Variants in XKR4 observed in about 807,000 individuals in gnomAD.
XKR4 encodes XK-related protein 4.
In XKR4, 12 loss-of-function variants were observed where a neutral mutation model predicts 53.9. The ratio of observed to expected loss-of-function variants is 0.22; its 90% CI spans 0.14 to 0.36. XKR4 has a LOEUF of 0.36. Among genes scored for constraint, XKR4 ranks in the 10% least tolerant of loss-of-function variants. The pLI is 1.00. For missense variants in XKR4, 799 were observed against 859.5 expected, an observed-to-expected ratio of 0.93 and a Z score of 0.88; for synonymous variants, 354 against 362.4, an observed-to-expected ratio of 0.98 and a Z score of 0.26.
chr8:55,446,023 T>G (rs1805341363), intron 2 of XKR4, among the ~76,000 whole-genome samples: 1 of 152,232 alleles, frequency 6.6e-6, no homozygotes, highest in Non-Finnish European at 1.5e-5. Context: ...AAGGGCTGAT[T>G]GATGGAGTGA....
rs182267618 is a variant in XKR4 at position 55,473,769 on chromosome 8, C to A, written c.1007-49512C>A. On this transcript the variant is annotated intron_variant, in intron 2 of 2. Transcript: ENST00000327381. ...TTACTTTGGTAAAATTTCACTTAAA[C>A]CCAAAGTTACAACAGATTCTCTTTC... is the stretch of plus-strand genomic sequence containing the variant. Among the ~76,000 whole-genome samples, 596 of 152,120 alleles carry A rather than the reference C, an allele frequency of 3.9e-3. 18 individuals carry two copies. Among genetic ancestry groups the A allele is most frequent in the Admixed American group, 0.034 (515 of 15,274 alleles).
chr8:55,258,623 G>A (rs766774896), intron 1 of XKR4, among the ~76,000 whole-genome samples: 3 of 152,032 alleles, frequency 2.0e-5, no homozygotes, highest in Non-Finnish European at 4.4e-5. Context: ...TCTGGTAATG[G>A]GTCAACACTC....
chr8:55,435,805 C>T (rs1022187706), intron 2 of XKR4, among the ~76,000 whole-genome samples: 2 of 152,054 alleles, frequency 1.3e-5, no homozygotes, highest in Non-Finnish European at 2.9e-5. Flanking sequence ...TGGGCTCAAG[C>T]GATCCTCCTT....
At chr8:55,480,140 C>T (rs1029047635) in intron 2 of XKR4, among the ~76,000 whole-genome samples, 1 of 152,114 alleles carries the variant, frequency 6.6e-6, no homozygotes, top group Admixed American at 6.6e-5. Context: ...AACATTGATG[C>T]AAAAATCCTC....
At chr8:55,182,008 T>C (rs993673983) in intron 1 of XKR4, among the ~76,000 whole-genome samples, 7 of 152,214 alleles carry the variant, frequency 4.6e-5, no homozygotes, top group Non-Finnish European at 8.8e-5. Flanking sequence ...TGACTCTGTG[T>C]TGTTCCCTCC....
chr8:55,381,789 A>T (rs1343327170), intron 2 of XKR4, among the ~76,000 whole-genome samples: 1 of 152,202 alleles, frequency 6.6e-6, no homozygotes, highest in East Asian at 1.9e-4. Context: ...GCCACCTAAG[A>T]TTATGACATC....
At chr8:55,126,524 G>T (rs7835800) in intron 1 of XKR4, among the ~76,000 whole-genome samples, 85,930 of 152,066 alleles carry the variant, frequency 0.57, 24,873 homozygotes, top group South Asian at 0.72. Context: ...TGGAGTGGAT[G>T]CAAAAAATAC....
intron 2 of XKR4, among the ~76,000 whole-genome samples, chr8:55,457,421 C>T (rs548927099): frequency 5.3e-5 from 8 of 152,294 alleles, no homozygotes; most frequent in South Asian, 2.1e-4. Flanking sequence ...GGATTATAGG[C>T]GTGAGCCACC....
chr8:55,415,696 C>T (rs564640569), intron 2 of XKR4, among the ~76,000 whole-genome samples: 15 of 152,200 alleles, frequency 9.9e-5, no homozygotes, highest in African/African-American at 3.6e-4. Flanking sequence ...ACAATTAAAA[C>T]CTCATTAGAA....
intron 1 of XKR4, among the ~76,000 whole-genome samples, chr8:55,270,327 C>G (rs1818669541): frequency 6.6e-6 from 1 of 152,184 alleles, no homozygotes; most frequent in Non-Finnish European, 1.5e-5. Context: ...ACATTTACCT[C>G]TACTGAGGTC....
intron 2 of XKR4, among the ~76,000 whole-genome samples, chr8:55,514,996 T>C (rs1458750209): frequency 1.3e-5 from 2 of 152,250 alleles, no homozygotes; most frequent in Non-Finnish European, 2.9e-5. Context: ...TGTGAGATTA[T>C]CTGAGATATG....
intron 1 of XKR4, among the ~76,000 whole-genome samples, chr8:55,272,360 G>T (rs927996816): frequency 2.6e-5 from 4 of 152,202 alleles, no homozygotes; most frequent in Non-Finnish European, 4.4e-5. Context: ...GCACCTTAAA[G>T]ATGTTGCTGG....
chr8:55,206,134 C>T (rs1054785385), intron 1 of XKR4, among the ~76,000 whole-genome samples: 10 of 152,182 alleles, frequency 6.6e-5, no homozygotes, highest in African/African-American at 9.7e-5. Context: ...GGACCCAAAG[C>T]GTGAGCAGCA....
At chr8:55,274,674 C>A (rs1471706427) in intron 1 of XKR4, among the ~76,000 whole-genome samples, 1 of 152,166 alleles carries the variant, frequency 6.6e-6, no homozygotes, top group East Asian at 1.9e-4. Context: ...CTCAAGTGAT[C>A]TGCCTGCCTC....
intron 1 of XKR4, among the ~76,000 whole-genome samples, chr8:55,307,557 G>A (rs1819321556): frequency 6.6e-6 from 1 of 152,122 alleles, no homozygotes; most frequent in African/African-American, 2.4e-5. Flanking sequence ...GGGAGGCTGA[G>A]GTGGAAGGAT....
intron 2 of XKR4, among the ~76,000 whole-genome samples, chr8:55,463,220 T>C (rs1805691278): frequency 1.3e-5 from 2 of 152,234 alleles, no homozygotes; most frequent in South Asian, 4.1e-4. Flanking sequence ...ACCACATAGT[T>C]GGAAGTAAAG....
chr8:55,477,863 T>C (rs555309145), intron 2 of XKR4, among the ~76,000 whole-genome samples: 6 of 151,940 alleles, frequency 3.9e-5, no homozygotes, highest in Non-Finnish European at 7.4e-5. Flanking sequence ...GAAAAAAGAA[T>C]ACAAAGAAAC....
intron 2 of XKR4, among the ~76,000 whole-genome samples, chr8:55,495,289 C>T (rs1806326089): frequency 6.6e-6 from 1 of 152,166 alleles, no homozygotes; most frequent in Admixed American, 6.5e-5. Flanking sequence ...CGAGGGCCTT[C>T]CTGGACCCCC....
intron 2 of XKR4, among the ~76,000 whole-genome samples, chr8:55,470,183 C>G (rs1805858683): frequency 6.6e-6 from 1 of 152,132 alleles, no homozygotes; most frequent in Non-Finnish European, 1.5e-5. Flanking sequence ...ACCGAAGGCA[C>G]AGAAGCATGC....
Sources: allele counts gnomAD v4.1 joint callset (sites outside exome capture counted in the v4.1 genomes callset), GRCh38; gene constraint gnomAD v4.1.1; transcripts MANE v1.5; gene names NCBI Gene and HGNC (gene_info 2026-07-23, HGNC 2026-07-21).